Variants in SCFD2 observed in about 807,000 individuals in gnomAD.
SCFD2 encodes the protein sec1 family domain containing 2, also known as sec1 family domain-containing protein 2.
Under a neutral mutation model 58.9 loss-of-function variants are expected in SCFD2, and 54 were observed. The observed-to-expected ratio is 0.92, with a 90% CI of 0.74 to 1.15. The LOEUF (loss-of-function observed/expected upper bound fraction) is 1.15, where lower values mean the gene tolerates loss of function less well. SCFD2 is among the 50% of genes most tolerant of loss of function. The pLI is 0.00. For missense variants in SCFD2, 805 were observed against 836.6 expected, an observed-to-expected ratio of 0.96 and a Z score of 0.47; for synonymous variants, 321 against 335.9, an observed-to-expected ratio of 0.96 and a Z score of 0.49.
intron 5 of SCFD2, among the ~76,000 whole-genome samples, chr4:53,110,735 T>G (rs1235298082): frequency 2.6e-5 from 4 of 152,144 alleles, no homozygotes; most frequent in Non-Finnish European, 4.4e-5. Flanking sequence ...TTACACTGTT[T>G]GTGGGAGTGT....
intron 5 of SCFD2, among the ~76,000 whole-genome samples, chr4:53,056,931 C>T (rs1430197009): frequency 6.6e-6 from 1 of 152,126 alleles, no homozygotes; most frequent in African/African-American, 2.4e-5. Context: ...TGTCTGTAAT[C>T]CCAGCACTTT....
At chr4:53,315,040 T>C (rs1227394159) in intron 2 of SCFD2, among the ~76,000 whole-genome samples, 1 of 152,100 alleles carries the variant, frequency 6.6e-6, no homozygotes, top group Non-Finnish European at 1.5e-5. Context: ...ACAAGGCAGA[T>C]ACAAAAGCAA....
At chr4:53,322,692 CACAATTAGATT>C (rs1733062837) in intron 2 of SCFD2, among the ~76,000 whole-genome samples, 1 of 152,192 alleles carries the variant, frequency 6.6e-6, no homozygotes, top group Non-Finnish European at 1.5e-5. Context: ...AAATCAATAA[CACAATTAGATT>C]ACTTAAAAAC....
At chr4:52,903,987 T>A (rs1719285594) in intron 7 of SCFD2, among the ~76,000 whole-genome samples, 2 of 152,146 alleles carry the variant, frequency 1.3e-5, no homozygotes, top group South Asian at 4.1e-4. Flanking sequence ...AGAAGCCACA[T>A]GGGGCCTGGA....
At chr4:53,334,678 C>T (rs1055364447) in intron 2 of SCFD2, among the ~76,000 whole-genome samples, 10 of 151,570 alleles carry the variant, frequency 6.6e-5, no homozygotes, top group African/African-American at 2.4e-4. Flanking sequence ...GTGCAGCGCA[C>T]CAGCATGGCA....
At chr4:53,243,498 AAG>A (rs1361786243) in intron 4 of SCFD2, among the ~76,000 whole-genome samples, 31 of 152,324 alleles carry the variant, frequency 2.0e-4, no homozygotes, top group Admixed American at 1.7e-3. Context: ...ATGAAAAGGA[AAG>A]ACTGTTACCA....
At chr4:53,321,421 T>C (rs1019654843) in intron 2 of SCFD2, among the ~76,000 whole-genome samples, 25 of 151,994 alleles carry the variant, frequency 1.6e-4, no homozygotes, top group African/African-American at 5.1e-4. Flanking sequence ...GTAGAAGGCA[T>C]GCAATTAAGA....
intron 5 of SCFD2, among the ~76,000 whole-genome samples, chr4:53,057,850 C>A (rs908863421): frequency 6.6e-6 from 1 of 152,028 alleles, no homozygotes; most frequent in Non-Finnish European, 1.5e-5. Flanking sequence ...GCTGTGTTAG[C>A]AGCCAAAATG....
At chr4:53,355,571 T>C (rs1008608868) in intron 1 of SCFD2, among the ~76,000 whole-genome samples, 4 of 152,160 alleles carry the variant, frequency 2.6e-5, no homozygotes, top group Admixed American at 2.6e-4. Context: ...TCATACTCTT[T>C]ACATAAATGA....
At chr4:52,923,436 C>G (rs1051248907) in intron 5 of SCFD2, among the ~76,000 whole-genome samples, 2 of 151,538 alleles carry the variant, frequency 1.3e-5, no homozygotes, top group Non-Finnish European at 2.9e-5. Flanking sequence ...TGAGATCGTG[C>G]CACAGCACTC....
intron 4 of SCFD2, among the ~76,000 whole-genome samples, chr4:53,226,331 A>C (rs1729214342): frequency 6.6e-6 from 1 of 152,164 alleles, no homozygotes; most frequent in South Asian, 2.1e-4. Flanking sequence ...TTGCTGAATT[A>C]AAATGTAAGG....
intron 3 of SCFD2, among the ~76,000 whole-genome samples, chr4:53,274,657 G>A (rs1371978768): frequency 7.2e-5 from 11 of 152,236 alleles, no homozygotes; most frequent in South Asian, 2.1e-4. Flanking sequence ...AAAGCATAGA[G>A]ACTATACAAA....
intron 5 of SCFD2, among the ~76,000 whole-genome samples, chr4:53,050,345 A>C (rs567954948): frequency 5.9e-5 from 9 of 152,336 alleles, no homozygotes; most frequent in African/African-American, 1.9e-4. Flanking sequence ...AGTGGCAGCA[A>C]ACCTCACCAG....
At chr4:53,341,907 TGA>T (rs1222597680) in intron 2 of SCFD2, among the ~76,000 whole-genome samples, 2 of 152,174 alleles carry the variant, frequency 1.3e-5, no homozygotes, top group East Asian at 1.9e-4. Flanking sequence ...AAGCAAATGC[TGA>T]GAGATTTTGT....
At chr4:53,039,879 G>T (rs1025409433) in intron 5 of SCFD2, among the ~76,000 whole-genome samples, 1 of 152,144 alleles carries the variant, frequency 6.6e-6, no homozygotes, top group African/African-American at 2.4e-5. Flanking sequence ...CCATTGCTCT[G>T]CCCCTGCCTC....
intron 4 of SCFD2, among the ~76,000 whole-genome samples, chr4:53,266,099 G>A (rs1222856737): frequency 6.6e-6 from 1 of 152,052 alleles, no homozygotes; most frequent in Non-Finnish European, 1.5e-5. Flanking sequence ...GCCATCCATT[G>A]CAGAAAAAGT....
intron 3 of SCFD2, among the ~76,000 whole-genome samples, chr4:53,306,605 T>C (rs1732521619): frequency 6.6e-6 from 1 of 152,170 alleles, no homozygotes; most frequent in Admixed American, 6.5e-5. Context: ...TCATTCAAAC[T>C]ACAAGCACTA....
At chr4:53,330,356 T>G (rs1242148547) in intron 2 of SCFD2, among the ~76,000 whole-genome samples, 1 of 151,786 alleles carries the variant, frequency 6.6e-6, no homozygotes, top group Non-Finnish European at 1.5e-5. Context: ...AAAGGTCGGG[T>G]TACCCTCAAA....
intron 4 of SCFD2, among the ~76,000 whole-genome samples, chr4:53,148,517 G>T (rs1468532082): frequency 2.0e-5 from 3 of 152,186 alleles, no homozygotes; most frequent in South Asian, 4.1e-4. Context: ...AACCCCGATT[G>T]TTCCTCTAAC....
Sources: allele counts gnomAD v4.1 joint callset (sites outside exome capture counted in the v4.1 genomes callset), GRCh38; gene constraint gnomAD v4.1.1; transcripts MANE v1.5; gene names NCBI Gene and HGNC (gene_info 2026-07-23, HGNC 2026-07-21).